The following RGS3 variants were observed in gnomAD, a reference collection of about 807,000 sequenced individuals.
RGS3 encodes the protein regulator of G protein signaling 3.
A neutral mutation model predicts 132.6 loss-of-function variants in RGS3; 80 were observed. The observed-to-expected ratio is 0.60, with a 90% CI of 0.50 to 0.73. RGS3 has a LOEUF of 0.73. RGS3 is among the 30% of genes least tolerant of loss of function. The pLI is 0.00. For missense variants in RGS3, 1,382 were observed against 1,530.8 expected (o/e 0.90, Z 1.62); for synonymous variants, 598 against 620.6 (o/e 0.96, Z 0.54).
chr9:113,523,174 G>A (rs1304943044), intron 17 of RGS3, 133 bp downstream of exon 15: 3 of 648,820 alleles, frequency 4.6e-6, no homozygotes, highest in Admixed American at 2.4e-5. Flanking sequence ...TCTGTCCATG[G>A]GCTAGTAGGT....
In RGS3 at chr9:113,568,379, G is replaced by A. The variant is rs149160481; in HGVS notation, c.2038-15071G>A. ...CCTTGGTCGGTGGGCTGGAGACTGCGGCACCTTCTCGTCCCTTCTTACTGA... is the reference window on the plus strand; with the variant it reads ...CCTTGGTCGGTGGGCTGGAGACTGCAGCACCTTCTCGTCCCTTCTTACTGA... On this transcript the variant is annotated intron_variant, in intron 19 of 24. Transcript: ENST00000350696. 2.8e-4 allele frequency among the ~76,000 whole-genome samples: 43 copies of A among 152,314 alleles called. No homozygotes were observed. In the East Asian group the frequency reaches 6.0e-3, roughly 21 times the overall value.
intron 17 of RGS3, among the ~76,000 whole-genome samples, chr9:113,523,606 T>C (rs969043644): frequency 2.6e-5 from 4 of 152,106 alleles, no homozygotes; most frequent in Admixed American, 6.5e-5. Flanking sequence ...CTCAGGCACA[T>C]GTGGGAGCGT....
chr9:113,461,025 A>G (rs1271152748), intron 1 of RGS3, among the ~76,000 whole-genome samples: 1 of 152,174 alleles, frequency 6.6e-6, no homozygotes, highest in African/African-American at 2.4e-5. Flanking sequence ...GCTTATATAT[A>G]TGCATAGGAT....
At chr9:113,518,994 T>C (rs1390283861) in intron 16 of RGS3, among the ~76,000 whole-genome samples, 1 of 152,180 alleles carries the variant, frequency 6.6e-6, no homozygotes, top group Non-Finnish European at 1.5e-5. Flanking sequence ...AAGTCTAAAT[T>C]CACTCTTCTG....
chr9:113,545,654 C>G (rs916339559), intron 19 of RGS3, among the ~76,000 whole-genome samples: 3 of 152,110 alleles, frequency 2.0e-5, no homozygotes, highest in African/African-American at 7.2e-5. Context: ...CTGAATAGGG[C>G]CATCCATCCT....
At position 113,596,765 on chromosome 9, in the gene RGS3, C is replaced by T. The variant is rs759124876; in HGVS notation, c.3412-3C>T. 1.0e-5 allele frequency: 16 copies of T among 1,606,062 alleles called. No individual in the cohort carries two copies. In the East Asian group the frequency reaches 1.3e-4, roughly 13 times the overall value. On this transcript the variant is annotated splice_polypyrimidine_tract_variant and splice_region_variant and intron_variant, in intron 24 of 24. Coordinates refer to ENST00000350696, the Ensembl canonical transcript of RGS3. ...CTGACCATGTCCCCCTCTGCCTCCCCAGGTCAACCTGGACTCCTACACGCG... is the reference window on the plus strand; with the variant it reads ...CTGACCATGTCCCCCTCTGCCTCCCTAGGTCAACCTGGACTCCTACACGCG...
chr9:113,497,333 A>G, exon 9 of RGS3: 1 of 1,612,894 alleles, frequency 6.2e-7, no homozygotes, highest in Non-Finnish European at 8.5e-7. Flanking sequence ...GGTTGGTACT[A>G]CCTCCTAGGG....
intron 19 of RGS3, among the ~76,000 whole-genome samples, chr9:113,578,597 C>T (rs1387236966): frequency 6.6e-6 from 1 of 152,076 alleles, no homozygotes; most frequent in Non-Finnish European, 1.5e-5. Context: ...GGGTGTCAGC[C>T]TCTGGGTGGT....
intron 1 of RGS3, among the ~76,000 whole-genome samples, chr9:113,453,161 C>CATTATATGATTATATAATATACTCATT (rs752687265): frequency 4.3e-4 from 50 of 116,862 alleles, no homozygotes; most frequent in African/African-American, 1.6e-3. Context: ...ATAATATACT[C>CATTATATGATTATATAATATACTCATT]ATATGATTAT....
At chr9:113,472,883 A>G (rs1290002639) in intron 3 of RGS3, among the ~76,000 whole-genome samples, 1 of 152,080 alleles carries the variant, frequency 6.6e-6, no homozygotes, top group Non-Finnish European at 1.5e-5. Flanking sequence ...TACAAAAAAT[A>G]CAAAAAATTG....
intron 19 of RGS3, among the ~76,000 whole-genome samples, chr9:113,551,010 A>G (rs1414009998): frequency 6.6e-6 from 1 of 152,230 alleles, no homozygotes; most frequent in Non-Finnish European, 1.5e-5. Flanking sequence ...TTTAAAGTAC[A>G]CAATTCAGTA....
chr9:113,492,099 G>A (rs972890554), intron 7 of RGS3, among the ~76,000 whole-genome samples: 1 of 152,164 alleles, frequency 6.6e-6, no homozygotes, highest in African/African-American at 2.4e-5. Flanking sequence ...ATATAAATTA[G>A]GATTAAATGG....
At chr9:113,581,076 C>A in intron 19 of RGS3, 2 of 839,514 alleles carry the variant, frequency 2.4e-6, no homozygotes, top group Non-Finnish European at 2.9e-6. Flanking sequence ...GACTGAGGGG[C>A]CCCAGGGAGC....
At chr9:113,585,984 G>A (rs112323557) in intron 20 of RGS3, among the ~76,000 whole-genome samples, 2,389 of 152,244 alleles carry the variant, frequency 0.016, 29 homozygotes, top group South Asian at 0.045. Flanking sequence ...GGTGTGCTCC[G>A]GAATCACCAA....
Position 113,553,459 on chromosome 9 carries a change from A to AAAAAAAAAAAT in RGS3, c.2037+16542_2037+16543insAAAAAAAAATA, listed in dbSNP as rs1426114805. The stretch of plus-strand genomic sequence containing the variant: ...CTCTGTTTAAAAAAAAAAAAAAAAA[A>AAAAAAAAAAAT]ATATATATATATATATATATATATA... On this transcript the variant is annotated intron_variant, in intron 19 of 24. Transcript: ENST00000350696. Among the ~76,000 whole-genome samples the AAAAAAAAAAAT allele has an allele frequency of 1.1e-3, 67 of 58,680 alleles. 1 individual carries two copies. The highest frequency in any genetic ancestry group is 1.1e-3 in the Non-Finnish European group (38 of 33,056). The allele number at this position is 58,680 out of a possible 152,430, so 38.5% of individuals were successfully genotyped here.
rs1247866441 is a variant in RGS3, at chr9:113,447,339, A to G, written c.-13+2412A>G. 1.7e-3 allele frequency among the ~76,000 whole-genome samples: 152 copies of G among 89,972 alleles called. 18 individuals are homozygous for G. Among genetic ancestry groups the G allele is most frequent in the East Asian group, 6.3e-3 (15 of 2,370 alleles). 59.0% of individuals were successfully genotyped at this position (89,972 alleles called of 152,430 possible). On this transcript the variant is annotated intron_variant, in intron 1 of 25. Coordinates refer to the RGS3 transcript ENST00000374140. ...CTGATGTATGTATATGTATATATAT[A>G]TATATATATATATATATATATAGGC...
intron 3 of RGS3, among the ~76,000 whole-genome samples, chr9:113,475,244 C>T (rs979614054): frequency 5.3e-5 from 8 of 152,128 alleles, no homozygotes; most frequent in Non-Finnish European, 1.0e-4. Flanking sequence ...TGCCCAACTG[C>T]GATCTCATGG....
At chr9:113,512,220 C>T (rs141706749) in intron 14 of RGS3, among the ~76,000 whole-genome samples, 95 of 152,282 alleles carry the variant, frequency 6.2e-4, no homozygotes, top group African/African-American at 1.5e-3. Flanking sequence ...AACTCAAATT[C>T]AGTGATGATC....
chr9:113,557,947 A>G (rs1833637027), intron 19 of RGS3, among the ~76,000 whole-genome samples: 1 of 152,166 alleles, frequency 6.6e-6, no homozygotes, highest in African/African-American at 2.4e-5. Flanking sequence ...GTGTGACTTT[A>G]TCCTGAGTGC....
Sources: gnomAD v4.1 joint callset for allele counts (sites outside exome capture counted in the v4.1 genomes callset) on GRCh38, gnomAD v4.1.1 for gene constraint, MANE v1.5 for transcripts, NCBI Gene and HGNC (gene_info 2026-07-23, HGNC 2026-07-21) for gene names.